Variants in CYFIP1 observed in about 807,000 individuals in gnomAD.
The protein encoded by CYFIP1 is cytoplasmic FMR1 interacting protein 1.
In CYFIP1, 58 loss-of-function variants were observed where a neutral mutation model predicts 163.5. The observed-to-expected ratio is 0.35, with a 90% CI of 0.29 to 0.44. CYFIP1 has a LOEUF of 0.44. CYFIP1 is among the 20% of genes least tolerant of loss of function. CYFIP1 has a pLI of 1.00. For missense variants in CYFIP1, 1,338 were observed against 1,653.8 expected (o/e 0.81, Z 3.31); for synonymous variants, 663 against 660.7 (o/e 1.00, Z -0.05).
intron 11 of CYFIP1, 152 bp from the exon 12 acceptor site, chr15:22,928,180 T>C (rs2142189422): frequency 1.0e-6 from 1 of 964,836 alleles, no homozygotes; most frequent in Non-Finnish European, 1.4e-6. Flanking sequence ...GGTCGGGAGA[T>C]CCAGACCATC....
At position 22,903,732 on chromosome 15, in the gene CYFIP1, G is replaced by A; in HGVS notation, c.2562C>T (p.Asn854=). 1.2e-6 allele frequency: 2 copies of A among 1,613,988 alleles called. No individual in the cohort carries two copies. Among genetic ancestry groups the A allele is most frequent in the Non-Finnish European group, 1.7e-6 (2 of 1,180,042 alleles). ...GGTTGGTAGAGCCGTTGTAGCAGTA[G>A]TTGGGCAGGAAGTCATAGTTGAGCT... ...FWELNYDFLP[N]YCYNGSTNRF... Residue 854 remains asparagine, a synonymous_variant, in exon 22 of 31, where the codon AAC becomes AAT. Coordinates refer to ENST00000617928, the MANE Select transcript of CYFIP1 (RefSeq NM_014608.6).
intron 22 of CYFIP1, among the ~76,000 whole-genome samples, chr15:22,899,494 T>C (rs2060331795): frequency 6.6e-6 from 1 of 152,108 alleles, no homozygotes; most frequent in Non-Finnish European, 1.5e-5. Context: ...GCTTTTTTCA[T>C]GATTGTGAGT....
chr15:22,976,385 T>A (rs1941035312), intron 1 of CYFIP1, among the ~76,000 whole-genome samples: 1 of 152,158 alleles, frequency 6.6e-6, no homozygotes, highest in Non-Finnish European at 1.5e-5. Context: ...CTCGAACTCC[T>A]GCCCTTGTGA....
intron 22 of CYFIP1, 108 bp downstream of exon 22, chr15:22,903,598 G>A (rs367746240): frequency 8.6e-7 from 1 of 1,159,636 alleles, no homozygotes; most frequent in African/African-American, 1.5e-5. Flanking sequence ...AAGTGATGGG[G>A]AGCAGCAAGA....
At chr15:22,903,426 A>C (rs1437843852) in intron 22 of CYFIP1, among the ~76,000 whole-genome samples, 6 of 152,204 alleles carry the variant, frequency 3.9e-5, no homozygotes, top group African/African-American at 1.2e-4. Flanking sequence ...GAAGCATAAG[A>C]AGCAGACTCA....
At chr15:22,962,798 C>G (rs1271682496) in intron 1 of CYFIP1, among the ~76,000 whole-genome samples, 1 of 152,138 alleles carries the variant, frequency 6.6e-6, no homozygotes, top group East Asian at 1.9e-4. Context: ...TCATACTGTG[C>G]CCACTGCTAT....
intron 22 of CYFIP1, among the ~76,000 whole-genome samples, chr15:22,895,322 TG>T (rs576942183): frequency 6.2e-4 from 95 of 152,316 alleles, no homozygotes; most frequent in African/African-American, 2.1e-3. Flanking sequence ...CCTTAATTTT[TG>T]TATTTTTTGT....
At chr15:22,940,948 G>A (rs1166175628) in intron 6 of CYFIP1, among the ~76,000 whole-genome samples, 1 of 152,212 alleles carries the variant, frequency 6.6e-6, no homozygotes, top group Non-Finnish European at 1.5e-5. Context: ...GCTGAGACAG[G>A]AGAATTGCTT....
chr15:22,964,138 A>G (rs2062799612), intron 1 of CYFIP1, among the ~76,000 whole-genome samples: 1 of 149,900 alleles, frequency 6.7e-6, no homozygotes, highest in South Asian at 2.1e-4. Context: ...GCTATTACGC[A>G]TATGTATCAC....
chr15:22,951,487 G>T (rs749299078), intron 1 of CYFIP1: 1 of 1,288,986 alleles, frequency 7.8e-7, no homozygotes. Flanking sequence ...GCTCGGAGGG[G>T]CCAGGCTGCC....
In CYFIP1 at chr15:22,916,466, G is replaced by GT; in HGVS notation, c.1828+10dup. ...ATGCCAGGCCGGATGCTGCTCAGCA[G>GT]TATCTCTTACCACTGAAATTTATCA... On this transcript the variant is annotated intron_variant, in intron 16 of 30. Coordinates refer to ENST00000617928, the MANE Select transcript of CYFIP1 (RefSeq NM_014608.6). The GT allele has an allele frequency of 1.3e-6, 2 of 1,588,570 alleles. No individual in the cohort carries two copies. Among genetic ancestry groups the GT allele is most frequent in the Non-Finnish European group, 1.7e-6 (2 of 1,158,732 alleles).
chr15:22,960,226 T>A (rs2062629379), intron 1 of CYFIP1, among the ~76,000 whole-genome samples: 1 of 152,152 alleles, frequency 6.6e-6, no homozygotes, highest in Non-Finnish European at 1.5e-5. Flanking sequence ...CGCCAATCTC[T>A]ATCAAGGGTC....
At chr15:22,882,775 G>A (rs1305380786) in intron 24 of CYFIP1, 93 bp downstream of exon 24, 11 of 1,425,584 alleles carry the variant, frequency 7.7e-6, no homozygotes, top group Non-Finnish European at 1.1e-5. Flanking sequence ...TCCAGCTGTT[G>A]GAGAATCACA....
intron 25 of CYFIP1, 129 bp from the exon 26 acceptor site, chr15:22,880,172 C>A: frequency 4.8e-6 from 6 of 1,245,926 alleles, no homozygotes; most frequent in Non-Finnish European, 6.9e-6. Flanking sequence ...ACAGCCACAA[C>A]GTCCCATCCC....
In CYFIP1 at chr15:22,867,359, TACTG is replaced by T; in HGVS notation, c.*2665_*2668del. ...AATATTTATTAAGGGAAAACTAAGT[TACTG>T]AATGAAGGAACCTCTTTCTTACAAA... On this transcript the variant is annotated 3_prime_UTR_variant, in exon 31 of 31. Coordinates refer to ENST00000617928, the MANE Select transcript of CYFIP1 (RefSeq NM_014608.6). 2.5e-6 allele frequency: 1 copy of T among 394,236 alleles called. No homozygotes were observed. Among genetic ancestry groups the T allele is most frequent in the East Asian group, 3.6e-5 (1 of 27,792 alleles). The allele number at this position is 394,236 out of a possible 1,614,324, so 24.4% of individuals were successfully genotyped here.
chr15:22,970,075 A>G (rs1021461947), intron 1 of CYFIP1, among the ~76,000 whole-genome samples: 1 of 152,242 alleles, frequency 6.6e-6, no homozygotes, highest in Non-Finnish European at 1.5e-5. Flanking sequence ...ACATGTAAAA[A>G]TCAGTTGCAT....
intron 12 of CYFIP1, 132 bp from the exon 13 acceptor site, chr15:22,926,239 AG>A: frequency 7.6e-7 from 1 of 1,324,382 alleles, no homozygotes; most frequent in South Asian, 1.3e-5. Flanking sequence ...GTCACACATG[AG>A]GGCGCACACA....
intron 1 of CYFIP1, among the ~76,000 whole-genome samples, chr15:22,962,429 G>A (rs1053069184): frequency 7.7e-6 from 1 of 130,608 alleles, no homozygotes; most frequent in African/African-American, 2.9e-5. Flanking sequence ...ACGGAGTTTT[G>A]CTCTTGTTGC....
chr15:22,869,017 A>G lies in CYFIP1; in HGVS notation c.*1011T>C, dbSNP rs2059342063. On this transcript the variant is annotated 3_prime_UTR_variant, in exon 31 of 31. Transcript: ENST00000617928. Reference sequence around the variant, plus strand: ...GTTTCTCAAACATGTTCGTGACTCTACTGGTAGTCTAGACCGATTGTTTTT... The same window carrying G: ...GTTTCTCAAACATGTTCGTGACTCTGCTGGTAGTCTAGACCGATTGTTTTT... The G allele has an allele frequency of 6.6e-6, 1 of 152,138 alleles. No individual in the cohort carries two copies. Among genetic ancestry groups the G allele is most frequent in the Non-Finnish European group, 1.5e-5 (1 of 68,014 alleles). The allele number at this position is 152,138 out of a possible 1,614,324, so 9.4% of individuals were successfully genotyped here.
Sources: gnomAD v4.1 joint callset for allele counts (sites outside exome capture counted in the v4.1 genomes callset) on GRCh38, gnomAD v4.1.1 for gene constraint, MANE v1.5 for transcripts, NCBI Gene and HGNC (gene_info 2026-07-23, HGNC 2026-07-21) for gene names.